Variants in PCDHGA1 observed in about 807,000 individuals in gnomAD.
The protein encoded by PCDHGA1 is protocadherin gamma-A1.
PCDHGA1 carries 32 observed loss-of-function variants against 58.0 expected under a neutral mutation model. The observed-to-expected ratio is 0.55, with a 90% CI of 0.42 to 0.74. PCDHGA1 has a LOEUF of 0.74. PCDHGA1 is among the 30% of genes least tolerant of loss of function. The pLI, the probability that PCDHGA1 is intolerant of heterozygous loss-of-function variation, is 0.00. For synonymous variants in PCDHGA1, 498 were observed against 501.1 expected (o/e 0.99, Z 0.08); for missense variants, 1,205 against 1,182.3 (o/e 1.02, Z -0.28).
Position 141,476,480 on chromosome 5 carries a change from G to A in PCDHGA1, c.2422-18327G>A, listed in dbSNP as rs761828753. 1 of 1,614,108 alleles carries A rather than the reference G, an allele frequency of 6.2e-7. No individual in the cohort carries two copies. The highest frequency in any genetic ancestry group is 2.2e-5 in the East Asian group (1 of 44,846). On this transcript the variant is annotated intron_variant, in intron 1 of 3. Transcript: ENST00000517417. This position sits in a 1 kb window ranked among gnomAD's most constrained non-coding sequence, Gnocchi z 7.6. ...GAACCCGCTGGAGCTGTTCAGCGTG[G>A]AAGTGGTGATCCAGGACATCAACGA...
chr5:141,389,838 C>T (rs1156714079), intron 1 of PCDHGA1: 3 of 1,614,028 alleles, frequency 1.9e-6, no homozygotes, highest in Non-Finnish European at 2.5e-6. Context: ...ACAGCCACCA[C>T]TCTCGGCCAC....
At chr5:141,404,192 A>G in intron 1 of PCDHGA1, 1 of 1,613,574 alleles carries the variant, frequency 6.2e-7, no homozygotes. Flanking sequence ...TGACCGAGAA[A>G]AAGCCTCAGA....
intron 1 of PCDHGA1, among the ~76,000 whole-genome samples, chr5:141,425,689 A>C (rs887583603): frequency 6.6e-6 from 1 of 152,232 alleles, no homozygotes; most frequent in African/African-American, 2.4e-5. Flanking sequence ...ACTGCATATC[A>C]TTTCATAGTG....
intron 1 of PCDHGA1, chr5:141,393,205 C>A: frequency 6.2e-7 from 1 of 1,613,504 alleles, no homozygotes; most frequent in Non-Finnish European, 8.5e-7. Flanking sequence ...GATAATAACC[C>A]AAAATTCCAG....
intron 1 of PCDHGA1, chr5:141,402,906 C>T: frequency 1.3e-6 from 2 of 1,529,180 alleles, no homozygotes; most frequent in Non-Finnish European, 1.8e-6. Context: ...CCTGATGAAG[C>T]AGCGCGCACA....
At chr5:141,369,614 A>G (rs1334946148) in intron 1 of PCDHGA1, among the ~76,000 whole-genome samples, 2 of 152,240 alleles carry the variant, frequency 1.3e-5, no homozygotes, top group East Asian at 3.8e-4. Context: ...AAGGTCAATC[A>G]TTTCCTCATT....
At chr5:141,375,596 G>C (rs574950493) in intron 1 of PCDHGA1, 86 of 1,614,108 alleles carry the variant, frequency 5.3e-5, no homozygotes, top group Non-Finnish European at 6.9e-5. Context: ...GTCCTCCTAC[G>C]TGTCCATCAA....
At chr5:141,364,125 C>T in intron 1 of PCDHGA1, 1 of 466,222 alleles carries the variant, frequency 2.1e-6, no homozygotes. Flanking sequence ...CTGAGTGTCG[C>T]TGTTGACCAA....
Position 141,494,815 on chromosome 5 carries a change from G to A in PCDHGA1, c.2430G>A (p.Pro810=), listed in dbSNP as rs765344906. 1 of 1,613,976 alleles carries A rather than the reference G, an allele frequency of 6.2e-7. No homozygotes were observed. Among genetic ancestry groups the A allele is most frequent in the South Asian group, 1.1e-5 (1 of 91,072 alleles). ...DKKEPFSQQA[P]PNTDWRFSQA... The stretch of plus-strand genomic sequence containing the variant: ...CTCTGTTTTCTCCACAGCAAGCCCC[G>A]CCCAACACGGACTGGCGTTTCTCTC... The change falls in exon 2 of 4, where the codon CCG becomes CCA. Residue 810 remains proline, a synonymous_variant. Transcript: ENST00000517417.
chr5:141,336,677 A>G (rs905296428), intron 1 of PCDHGA1, among the ~76,000 whole-genome samples: 6 of 152,228 alleles, frequency 3.9e-5, no homozygotes, highest in Admixed American at 6.5e-5. Context: ...AACTAAAACT[A>G]TACAACTCTT....
intron 1 of PCDHGA1, chr5:141,344,199 C>T: frequency 6.2e-7 from 1 of 1,614,030 alleles, no homozygotes; most frequent in Non-Finnish European, 8.5e-7. Flanking sequence ...GGGGCTAGAG[C>T]CCCGGGAGCT....
rs780105196 is a variant in PCDHGA1 at position 141,366,612 on chromosome 5, C to T, written c.2421+33507C>T. 1.7e-5 allele frequency: 28 copies of T among 1,614,116 alleles called. No individual in the cohort carries two copies. In the Admixed American group the frequency reaches 4.5e-4, roughly 26 times the overall value. ...TATTCCCACGAGGTCTCCCTCACCG[C>T]GGACTCGAGGAAGAGTCACCTGATC... On this transcript the variant is annotated intron_variant, in intron 1 of 3. Transcript: ENST00000517417.
intron 1 of PCDHGA1, chr5:141,428,212 C>A (rs1295973505): frequency 8.0e-7 from 1 of 1,255,000 alleles, no homozygotes; most frequent in Non-Finnish European, 1.1e-6. Context: ...TACGCTTCAC[C>A]TAGTCTTCGC....
intron 1 of PCDHGA1, among the ~76,000 whole-genome samples, chr5:141,472,119 A>C (rs1015212535): frequency 6.6e-6 from 1 of 152,240 alleles, no homozygotes; most frequent in African/African-American, 2.4e-5. Context: ...AAAGAAAATA[A>C]AAGAGAAGTT....
chr5:141,483,432 ACT>A (rs2099581241), intron 1 of PCDHGA1, among the ~76,000 whole-genome samples: 1 of 152,200 alleles, frequency 6.6e-6, no homozygotes, highest in African/African-American at 2.4e-5. Flanking sequence ...GAGGGAGCTG[ACT>A]ACAATAAAAT....
At chr5:141,394,618 C>T (rs1439211567) in intron 1 of PCDHGA1, 2 of 1,613,396 alleles carry the variant, frequency 1.2e-6, no homozygotes, top group African/African-American at 1.3e-5. Context: ...GGCCAGAACG[C>T]CTGGCTGTCC....
At chr5:141,427,898 C>A (rs2154552434) in intron 1 of PCDHGA1, 1 of 1,570,872 alleles carries the variant, frequency 6.4e-7, no homozygotes, top group Non-Finnish European at 8.7e-7. Context: ...AGGGCTCGCC[C>A]GCGCTCAGCG....
At chr5:141,344,084 C>A (rs770017999) in intron 1 of PCDHGA1, 2 of 1,611,182 alleles carry the variant, frequency 1.2e-6, no homozygotes, top group African/African-American at 1.3e-5. Context: ...CCCTGCTGTG[C>A]GCGCTCCTGG....
chr5:141,383,085 C>T (rs773972778), intron 1 of PCDHGA1: 1 of 1,613,744 alleles, frequency 6.2e-7, no homozygotes, highest in Non-Finnish European at 8.5e-7. Flanking sequence ...TGGCGGAGCG[C>T]GGAGTCCGCA....
Sources: gnomAD v4.1 joint callset for allele counts (sites outside exome capture counted in the v4.1 genomes callset) on GRCh38, gnomAD v4.1.1 for gene constraint, Gnocchi (gnomAD v3.1) non-coding constraint, MANE v1.5 for transcripts, NCBI Gene and HGNC (gene_info 2026-07-23, HGNC 2026-07-21) for gene names.